Variants in SEMA3D observed in about 807,000 individuals in gnomAD.
The protein encoded by SEMA3D is semaphorin-3D.
SEMA3D carries 84 observed loss-of-function variants against 100.1 expected under a neutral mutation model. The observed-to-expected ratio is 0.84, with a 90% CI of 0.70 to 1.01. The LOEUF (loss-of-function observed/expected upper bound fraction) is 1.01, where lower values mean the gene tolerates loss of function less well. Among genes scored for constraint, SEMA3D ranks in the 50% least tolerant of loss-of-function variants. The pLI is 0.00. For synonymous variants in SEMA3D, 312 were observed against 320.7 expected (o/e 0.97, Z 0.29); for missense variants, 875 against 934.1 (o/e 0.94, Z 0.82).
intron 12 of SEMA3D, among the ~76,000 whole-genome samples, chr7:85,033,858 T>TACACACAC (rs71082183): frequency 0.15 from 20,994 of 140,990 alleles, 1,686 homozygotes; most frequent in East Asian, 0.32. Flanking sequence ...ATCACACACA[T>TACACACAC]ACACACACAC....
intron 2 of SEMA3D, among the ~76,000 whole-genome samples, chr7:85,143,831 C>T (rs747205908): frequency 1.4e-4 from 21 of 151,786 alleles, no homozygotes; most frequent in Non-Finnish European, 1.5e-4. Flanking sequence ...AAGCTTCAGC[C>T]TCCCGAGTAG....
At chr7:85,163,988 A>C (rs1333634912) in intron 1 of SEMA3D, among the ~76,000 whole-genome samples, 1 of 152,106 alleles carries the variant, frequency 6.6e-6, no homozygotes, top group African/African-American at 2.4e-5. Context: ...ATAATCACCA[A>C]TCTTTTTTGA....
At chr7:85,135,298 T>G (rs1046597494) in intron 2 of SEMA3D, among the ~76,000 whole-genome samples, 4 of 152,170 alleles carry the variant, frequency 2.6e-5, no homozygotes, top group Non-Finnish European at 4.4e-5. Context: ...TATTTCTTAT[T>G]ATAGACTAGG....
intron 1 of SEMA3D, among the ~76,000 whole-genome samples, chr7:85,168,820 TGAAAGAAAGAAAGAAA>T (rs59563448): frequency 0.021 from 2,566 of 121,116 alleles, 54 homozygotes; most frequent in African/African-American, 0.053. Flanking sequence ...GAAAGAAAGA[TGAAAGAAAGAAAGAAA>T]GAAAGAAAGA....
chr7:85,128,984 T>C (rs375490150), intron 2 of SEMA3D, among the ~76,000 whole-genome samples: 16 of 149,902 alleles, frequency 1.1e-4, no homozygotes, highest in Admixed American at 7.4e-4. Context: ...CTGGACTTCC[T>C]GGGCTCAAGT....
At chr7:85,227,438 G>GCAAAA in the SEMA3D span, among the ~76,000 whole-genome samples, 2 of 152,068 alleles carry the variant, frequency 1.3e-5, no homozygotes, top group Non-Finnish European at 2.9e-5. Context: ...TCTAACATGT[G>GCAAAA]AGGGCACAGA....
At chr7:85,080,005 A>G (rs1788006767) in intron 5 of SEMA3D, among the ~76,000 whole-genome samples, 1 of 152,180 alleles carries the variant, frequency 6.6e-6, no homozygotes, top group East Asian at 1.9e-4. Context: ...AATTCCTTTC[A>G]TTTCTAGTGA....
chr7:85,172,025 T>C (rs1791098222), intron 1 of SEMA3D, among the ~76,000 whole-genome samples: 1 of 151,736 alleles, frequency 6.6e-6, no homozygotes. Flanking sequence ...CACATACATA[T>C]ATAGACACAC....
chr7:85,081,462 T>A, intron 5 of SEMA3D, 55 bp downstream of exon 5: 1 of 1,124,532 alleles, frequency 8.9e-7, no homozygotes, highest in South Asian at 1.2e-5. Flanking sequence ...TATAAATATT[T>A]GCTATCATAT....
At chr7:85,243,480 G>T in the SEMA3D span, among the ~76,000 whole-genome samples, 31 of 152,094 alleles carry the variant, frequency 2.0e-4, no homozygotes, top group Non-Finnish European at 1.5e-5. Context: ...TTTCTGCTCT[G>T]TAAATTGTGA....
At chr7:85,186,349 G>A (rs1346026368) in intron 1 of SEMA3D, among the ~76,000 whole-genome samples, 1 of 152,170 alleles carries the variant, frequency 6.6e-6, no homozygotes, top group African/African-American at 2.4e-5. Context: ...AGAGAGCAAA[G>A]TTCCTGGACG....
intron 4 of SEMA3D, among the ~76,000 whole-genome samples, chr7:85,093,565 C>A (rs1788464071): frequency 6.6e-6 from 1 of 151,926 alleles, no homozygotes; most frequent in South Asian, 2.1e-4. Flanking sequence ...AAACTCTGAA[C>A]ATATTCATAT....
intron 2 of SEMA3D, among the ~76,000 whole-genome samples, chr7:85,125,899 A>G (rs752763799): frequency 2.0e-4 from 30 of 151,930 alleles, no homozygotes; most frequent in Non-Finnish European, 3.1e-4. Context: ...AGTGAAATGC[A>G]TAGGTTATAC....
intron 1 of SEMA3D, chr7:85,167,504 A>T (rs909859872): frequency 4.9e-6 from 2 of 404,106 alleles, no homozygotes; most frequent in Non-Finnish European, 6.7e-6. Flanking sequence ...GACTTTGCCC[A>T]TAAAATTATC....
the SEMA3D span, among the ~76,000 whole-genome samples, chr7:85,201,659 C>T: frequency 2.0e-5 from 3 of 152,062 alleles, no homozygotes; most frequent in Non-Finnish European, 4.4e-5. Flanking sequence ...TTTCAATTGC[C>T]ACTATTCTAT....
the SEMA3D span, among the ~76,000 whole-genome samples, chr7:85,249,283 C>T: frequency 6.6e-6 from 1 of 152,108 alleles, no homozygotes; most frequent in Non-Finnish European, 1.5e-5. Context: ...ATTATCTTCA[C>T]AGCAATCAAG....
At chr7:85,240,457 T>C in the SEMA3D span, among the ~76,000 whole-genome samples, 1 of 152,170 alleles carries the variant, frequency 6.6e-6, no homozygotes, top group Non-Finnish European at 1.5e-5. Flanking sequence ...GTCTGTAGTT[T>C]AATAATTTCT....
chr7:85,160,474 C>T (rs527536022), intron 1 of SEMA3D, among the ~76,000 whole-genome samples: 8 of 152,010 alleles, frequency 5.3e-5, no homozygotes, highest in East Asian at 1.9e-4. Context: ...GAGATTTCCA[C>T]GATGGAAAAA....
At chr7:85,198,803 G>A in the SEMA3D span, among the ~76,000 whole-genome samples, 1 of 109,246 alleles carries the variant, frequency 9.2e-6, no homozygotes, top group Non-Finnish European at 2.0e-5. Flanking sequence ...TTAACATTTT[G>A]CTTGTCCACT....
Sources: allele counts gnomAD v4.1 joint callset (sites outside exome capture counted in the v4.1 genomes callset), GRCh38; gene constraint gnomAD v4.1.1; transcripts MANE v1.5; gene names NCBI Gene and HGNC (gene_info 2026-07-23, HGNC 2026-07-21).